The following SYN2 variants were observed in gnomAD, a reference collection of about 807,000 sequenced individuals.
The protein encoded by SYN2 is synapsin-2.
In SYN2, 19 loss-of-function variants were observed where a neutral mutation model predicts 50.9. The observed-to-expected ratio is 0.37, with a 90% CI of 0.26 to 0.55. The LOEUF is 0.55. Among genes scored for constraint, SYN2 ranks in the 20% least tolerant of loss-of-function variants. The pLI, the probability that SYN2 is intolerant of heterozygous loss-of-function variation, is 0.81. For synonymous variants in SYN2, 255 were observed against 224.9 expected (o/e 1.13, Z -1.20); for missense variants, 587 against 576.4 (o/e 1.02, Z -0.19).
At chr3:12,161,197 T>C (rs993556512) in intron 5 of SYN2, among the ~76,000 whole-genome samples, 4 of 152,240 alleles carry the variant, frequency 2.6e-5, no homozygotes, top group South Asian at 2.1e-4. Flanking sequence ...CATCTACATA[T>C]AGTAAAGTTC....
chr3:12,097,608 C>CAAA (rs35095165), intron 1 of SYN2, among the ~76,000 whole-genome samples: 2 of 94,840 alleles, frequency 2.1e-5, no homozygotes, highest in African/African-American at 3.4e-5. Context: ...TCCATCTCAA[C>CAAA]AAAAAAAAAA....
At chr3:12,175,504 G>C (rs1464398610) in intron 10 of SYN2, among the ~76,000 whole-genome samples, 1 of 152,218 alleles carries the variant, frequency 6.6e-6, no homozygotes, top group Admixed American at 6.5e-5. Flanking sequence ...TGGAAGCTCA[G>C]GCTGAAAGAG....
chr3:12,070,041 C>T (rs1038499759), intron 1 of SYN2, among the ~76,000 whole-genome samples: 4 of 151,596 alleles, frequency 2.6e-5, no homozygotes, highest in Admixed American at 1.3e-4. Context: ...CTCAAGTGAT[C>T]CTCCCGCCTT....
rs1694845530 is a variant in SYN2, at chr3:12,050,845, C to G, written c.377+45917C>G. Among the ~76,000 whole-genome samples, 3 of 146,944 alleles carry G rather than the reference C, an allele frequency of 2.0e-5. No individual in the cohort carries two copies. The South Asian group carries it at 6.7e-4, about 33-fold the overall frequency. ...CCGCTTCCCGGGTTCACGCCATTCT[C>G]CTGCCTCAGCCTCCCGAGTAGCTGG... On this transcript the variant is annotated intron_variant, in intron 1 of 12. Coordinates refer to ENST00000621198, the MANE Select transcript of SYN2 (RefSeq NM_133625.6).
At chr3:12,045,978 C>A (rs1408759340) in intron 1 of SYN2, among the ~76,000 whole-genome samples, 1 of 152,158 alleles carries the variant, frequency 6.6e-6, no homozygotes, top group African/African-American at 2.4e-5. Context: ...ATTTACCAGA[C>A]ATTTATTCAT....
chr3:12,158,867 G>T, intron 5 of SYN2: 1 of 1,534,682 alleles, frequency 6.5e-7, no homozygotes, highest in Non-Finnish European at 8.7e-7. Flanking sequence ...GACTGAGCCT[G>T]TGAGGTCTGG....
intron 1 of SYN2, among the ~76,000 whole-genome samples, chr3:12,124,093 C>A (rs568488253): frequency 4.6e-5 from 7 of 151,992 alleles, no homozygotes; most frequent in Non-Finnish European, 1.0e-4. Context: ...CTTCAGGAAA[C>A]AGGAAATTGA....
chr3:12,063,939 A>T (rs1488846386), intron 1 of SYN2, among the ~76,000 whole-genome samples: 2 of 152,012 alleles, frequency 1.3e-5, no homozygotes, highest in Non-Finnish European at 2.9e-5. Flanking sequence ...CTTAAGTGTG[A>T]GCTGTGCATA....
rs201073367 is a variant in SYN2 at position 12,016,257 on chromosome 3, GT to G, written c.377+11331del. ...TCCTGTGTTCACTAACATTTTAACTGTTAGATAAAAGGGCACCAATGAAAGA... is the reference window on the plus strand; with the variant it reads ...TCCTGTGTTCACTAACATTTTAACTGTAGATAAAAGGGCACCAATGAAAGA... On this transcript the variant is annotated intron_variant, in intron 1 of 12. Transcript: ENST00000621198. 3.4e-3 allele frequency among the ~76,000 whole-genome samples: 511 copies of G among 152,308 alleles called. 5 individuals are homozygous for G. Among genetic ancestry groups the G allele is most frequent in the Admixed American group, 0.031 (477 of 15,298 alleles).
rs1421693229 is a variant in SYN2 at position 12,004,419 on chromosome 3, C to T, written c.-133C>T. On this transcript the variant is annotated 5_prime_UTR_variant, in exon 1 of 13. Coordinates refer to ENST00000621198, the MANE Select transcript of SYN2 (RefSeq NM_133625.6). ...CCGCTGCTGTCTGCGGGGTCTGGTG[C>T]CGGGGCCTGAGTCTCTGCTGGCTAA... The T allele has an allele frequency of 5.7e-5, 13 of 228,882 alleles. No homozygotes were observed. The highest frequency in any genetic ancestry group is 4.3e-4 in the East Asian group (5 of 11,498). 14.2% of individuals were successfully genotyped at this position (228,882 alleles called of 1,614,324 possible). A position where few individuals can be genotyped will look rare whatever the true frequency, so the allele number is the denominator to read the frequency against.
At chr3:12,070,072 T>C in intron 1 of SYN2, 2 of 240,882 alleles carry the variant, frequency 8.3e-6, no homozygotes, top group South Asian at 1.1e-4. Flanking sequence ...AGTGCTGAGA[T>C]GATAGGCATA....
At chr3:12,028,173 A>G (rs982581616) in intron 1 of SYN2, among the ~76,000 whole-genome samples, 71 of 150,804 alleles carry the variant, frequency 4.7e-4, no homozygotes, top group Non-Finnish European at 5.8e-4. Context: ...ATGGTTTCCA[A>G]TTTCATCCAT....
chr3:12,046,392 C>T (rs545849546), intron 1 of SYN2, among the ~76,000 whole-genome samples: 25 of 152,066 alleles, frequency 1.6e-4, no homozygotes, highest in Non-Finnish European at 2.9e-4. Context: ...AAAGACATTT[C>T]TTTGTGACTG....
chr3:12,160,800 A>G (rs1299753595), intron 5 of SYN2, among the ~76,000 whole-genome samples: 2 of 152,216 alleles, frequency 1.3e-5, no homozygotes, highest in African/African-American at 4.8e-5. Flanking sequence ...TTACATCACC[A>G]TTTTGTAGCA....
intron 1 of SYN2, among the ~76,000 whole-genome samples, chr3:12,129,112 T>C (rs1169163058): frequency 1.3e-5 from 2 of 151,982 alleles, no homozygotes; most frequent in Non-Finnish European, 2.9e-5. Context: ...TAATAAAAGA[T>C]TTCAAAATAG....
intron 12 of SYN2, 94 bp downstream of exon 12, chr3:12,187,706 TCTC>T (rs1348908387): frequency 8.4e-6 from 12 of 1,435,318 alleles, no homozygotes; most frequent in South Asian, 1.5e-5. Flanking sequence ...TTCAATCAGG[TCTC>T]CTCCTACAGA....
intron 1 of SYN2, among the ~76,000 whole-genome samples, chr3:12,090,772 G>A (rs1025995239): frequency 6.6e-6 from 1 of 152,228 alleles, no homozygotes; most frequent in South Asian, 2.1e-4. Flanking sequence ...TTGTGTCACT[G>A]ACAGACTGGC....
chr3:12,154,174 A>G (rs3817004), intron 5 of SYN2, among the ~76,000 whole-genome samples: 12,244 of 152,170 alleles, frequency 0.08, 857 homozygotes, highest in East Asian at 0.19. Context: ...GTACTTTGAG[A>G]TCAGGGCCTA....
intron 1 of SYN2, among the ~76,000 whole-genome samples, chr3:12,058,504 C>T (rs1188637188): frequency 1.3e-5 from 2 of 152,144 alleles, no homozygotes; most frequent in Non-Finnish European, 2.9e-5. Context: ...CAAACTGTTC[C>T]TTCCAGTGCT....
Sources: gnomAD v4.1 joint callset for allele counts (sites outside exome capture counted in the v4.1 genomes callset) on GRCh38, gnomAD v4.1.1 for gene constraint, MANE v1.5 for transcripts, NCBI Gene and HGNC (gene_info 2026-07-23, HGNC 2026-07-21) for gene names.